ZNHIT6: variants seen among roughly 807,000 people sequenced by gnomAD.
The protein encoded by ZNHIT6 is box C/D snoRNA protein 1.
ZNHIT6 carries 45 observed loss-of-function variants against 57.2 expected under a neutral mutation model. The ratio of observed to expected loss-of-function variants is 0.79; its 90% CI spans 0.62 to 1.01. The LOEUF is 1.01. Among genes scored for constraint, ZNHIT6 ranks in the 50% least tolerant of loss-of-function variants. ZNHIT6 has a pLI of 0.00. For missense variants in ZNHIT6, 528 were observed against 567.3 expected, an observed-to-expected ratio of 0.93 and a Z score of 0.70; for synonymous variants, 188 against 190.0, an observed-to-expected ratio of 0.99 and a Z score of 0.09.
intron 9 of ZNHIT6, among the ~76,000 whole-genome samples, chr1:85,655,013 G>A (rs1192012667): frequency 6.6e-6 from 1 of 152,128 alleles, no homozygotes; most frequent in African/African-American, 2.4e-5. Context: ...GGGGTTTGCT[G>A]TTGTACCTAG....
chr1:85,663,949 C>T (rs1661293273), intron 8 of ZNHIT6, among the ~76,000 whole-genome samples: 1 of 146,562 alleles, frequency 6.8e-6, no homozygotes, highest in African/African-American at 2.5e-5. Context: ...CTGTAGGTGA[C>T]CTGCCCCTTC....
intron 5 of ZNHIT6, among the ~76,000 whole-genome samples, chr1:85,691,940 G>T (rs1166059234): frequency 6.6e-6 from 1 of 152,042 alleles, no homozygotes; most frequent in East Asian, 1.9e-4. Flanking sequence ...AGGCCAAAGC[G>T]GGTGGATTAC....
intron 8 of ZNHIT6, among the ~76,000 whole-genome samples, chr1:85,671,494 A>G (rs1661556005): frequency 6.6e-6 from 1 of 152,120 alleles, no homozygotes; most frequent in Non-Finnish European, 1.5e-5. Context: ...GAATTTGGTC[A>G]AAAGAAGCTG....
In ZNHIT6 at chr1:85,652,447, T is replaced by C. The variant is rs1660938465; in HGVS notation, c.*1611A>G. 6.6e-6 allele frequency: 1 copy of C among 152,216 alleles called. No homozygotes were observed. Among genetic ancestry groups the C allele is most frequent in the Non-Finnish European group, 1.5e-5 (1 of 68,024 alleles). The allele number at this position is 152,216 out of a possible 1,614,324, so 9.4% of individuals were successfully genotyped here. A position where few individuals can be genotyped will look rare whatever the true frequency, so the allele number is the denominator to read the frequency against. ...TTATCATATATTAGAAGATTCCTGA[T>C]GTTGCTTTAGAGATTATAAATATAT... On this transcript the variant is annotated 3_prime_UTR_variant, in exon 10 of 10. Transcript: ENST00000370574.
In ZNHIT6 at chr1:85,652,455, T is replaced by C. The variant is rs1660938598; in HGVS notation, c.*1603A>G. 6.6e-6 allele frequency: 1 copy of C among 152,194 alleles called. No individual in the cohort carries two copies. Among genetic ancestry groups the C allele is most frequent in the Non-Finnish European group, 1.5e-5 (1 of 68,018 alleles). The allele number at this position is 152,194 out of a possible 1,614,324, so 9.4% of individuals were successfully genotyped here. A position where few individuals can be genotyped will look rare whatever the true frequency, so the allele number is the denominator to read the frequency against. On this transcript the variant is annotated 3_prime_UTR_variant, in exon 10 of 10. Coordinates refer to ENST00000370574, the MANE Select transcript of ZNHIT6 (RefSeq NM_017953.4). ...TATTAGAAGATTCCTGATGTTGCTT[T>C]AGAGATTATAAATATATATGTATGT...
chr1:85,679,004 AT>A (rs1278449741), intron 6 of ZNHIT6, among the ~76,000 whole-genome samples: 2 of 152,154 alleles, frequency 1.3e-5, no homozygotes, highest in Non-Finnish European at 2.9e-5. Context: ...AAAAAACAAC[AT>A]TTTGAGAAGT....
At chr1:85,667,633 A>G (rs1484808478) in intron 8 of ZNHIT6, among the ~76,000 whole-genome samples, 1 of 151,150 alleles carries the variant, frequency 6.6e-6, no homozygotes. Context: ...TCCATTAAAA[A>G]AAAAAAAAAA....
chr1:85,674,668 G>A (rs560408623), intron 8 of ZNHIT6, among the ~76,000 whole-genome samples: 1 of 151,942 alleles, frequency 6.6e-6, no homozygotes, highest in Non-Finnish European at 1.5e-5. Flanking sequence ...TTTATTATCT[G>A]TTTCATCTTC....
intron 4 of ZNHIT6, among the ~76,000 whole-genome samples, chr1:85,704,003 G>A (rs1293826647): frequency 6.6e-6 from 1 of 152,080 alleles, no homozygotes. Context: ...AATCCAAATG[G>A]CCAATAAAGT....
chr1:85,696,754 G>A (rs1384196719), intron 5 of ZNHIT6, among the ~76,000 whole-genome samples: 1 of 151,912 alleles, frequency 6.6e-6, no homozygotes, highest in Non-Finnish European at 1.5e-5. Flanking sequence ...AGAGGAAAAT[G>A]GCCTGGTTAA....
chr1:85,654,171 T>C, intron 9 of ZNHIT6, 73 bp from the exon 10 acceptor site: 1 of 1,307,134 alleles, frequency 7.7e-7, no homozygotes. Flanking sequence ...CCCTCTTCTC[T>C]CCCTCCTTCT....
chr1:85,656,754 T>C (rs1363698848), intron 9 of ZNHIT6, among the ~76,000 whole-genome samples: 2 of 152,142 alleles, frequency 1.3e-5, no homozygotes, highest in African/African-American at 2.4e-5. Flanking sequence ...ATTAGAAACA[T>C]CATGTTTGCT....
At chr1:85,682,312 C>A (rs970998423) in intron 5 of ZNHIT6, among the ~76,000 whole-genome samples, 1 of 151,756 alleles carries the variant, frequency 6.6e-6, no homozygotes, top group Non-Finnish European at 1.5e-5. Context: ...GCATGAGCCA[C>A]CGCACCCGGC....
At chr1:85,685,516 T>G (rs1437411527) in intron 5 of ZNHIT6, among the ~76,000 whole-genome samples, 1 of 152,196 alleles carries the variant, frequency 6.6e-6, no homozygotes, top group Non-Finnish European at 1.5e-5. Context: ...AGGACTTGAC[T>G]TAATTTTTAC....
At chr1:85,662,119 T>C (rs1182412790) in intron 8 of ZNHIT6, among the ~76,000 whole-genome samples, 10 of 151,036 alleles carry the variant, frequency 6.6e-5, no homozygotes, top group Non-Finnish European at 1.5e-4. Context: ...CTCTTGAACT[T>C]CTTTCTCTGT....
Position 85,708,134 on chromosome 1 carries a change from G to C in ZNHIT6, c.151C>G (p.Leu51Val), listed in dbSNP as rs1405732278. ...TCCCCTATCTCCTTTATCCCTGTCA[G>C]CCCTGTCCCCTCCTCTCCGCCGCCG... ...EFGGGEEGTG[L>V]TGIKEIGDGE... Residue 51 changes from leucine to valine, a missense_variant, in exon 1 of 10, where the codon CTG (leucine) becomes GTG (valine). Transcript: ENST00000370574. The C allele has an allele frequency of 1.2e-6, 2 of 1,613,848 alleles. No homozygotes were observed. Among genetic ancestry groups the C allele is most frequent in the Admixed American group, 1.7e-5 (1 of 59,972 alleles).
chr1:85,690,518 C>T (rs1349866882), intron 5 of ZNHIT6, among the ~76,000 whole-genome samples: 1 of 152,172 alleles, frequency 6.6e-6, no homozygotes, highest in Non-Finnish European at 1.5e-5. Context: ...AGTAACACTT[C>T]CCTCGAAAGG....
At chr1:85,660,909 A>C (rs1371553184) in intron 8 of ZNHIT6, among the ~76,000 whole-genome samples, 5 of 152,160 alleles carry the variant, frequency 3.3e-5, no homozygotes, top group Non-Finnish European at 7.4e-5. Context: ...AGTGGATTTT[A>C]TTTAGTGTTT....
chr1:85,701,902 T>C (rs1662539310), intron 5 of ZNHIT6, among the ~76,000 whole-genome samples: 3 of 151,942 alleles, frequency 2.0e-5, no homozygotes, highest in South Asian at 4.2e-4. Flanking sequence ...GTGACTGGTA[T>C]GCACATTAAT....
Sources: allele counts gnomAD v4.1 joint callset (sites outside exome capture counted in the v4.1 genomes callset), GRCh38; gene constraint gnomAD v4.1.1; transcripts MANE v1.5; gene names NCBI Gene and HGNC (gene_info 2026-07-23, HGNC 2026-07-21).